Variants in GNPAT observed in about 807,000 individuals in gnomAD.
GNPAT encodes dihydroxyacetone phosphate acyltransferase.
Under a neutral mutation model 78.4 loss-of-function variants are expected in GNPAT, and 30 were observed. The observed-to-expected ratio is 0.38, with a 90% CI of 0.29 to 0.52. The LOEUF (loss-of-function observed/expected upper bound fraction) is 0.52, where lower values mean the gene tolerates loss of function less well. GNPAT is among the 20% of genes least tolerant of loss of function. GNPAT has a pLI of 0.84. For synonymous variants in GNPAT, 271 were observed against 281.1 expected, an observed-to-expected ratio of 0.96 and a Z score of 0.36; for missense variants, 714 against 812.2, an observed-to-expected ratio of 0.88 and a Z score of 1.47.
chr1:231,271,522 C>T (rs1685565048), intron 10 of GNPAT, among the ~76,000 whole-genome samples: 1 of 152,130 alleles, frequency 6.6e-6, no homozygotes, highest in African/African-American at 2.4e-5. Context: ...GGGAGTGAGC[C>T]CCACCCCAAA....
Position 231,256,078 on chromosome 1 carries a change from GT to G in GNPAT, c.262-4425del, listed in dbSNP as rs1685048850. ...TTTTATTCTACCCAGTCACTGGGCA[GT>G]TTTATTAATTGCCAGAATTTTAAGT... On this transcript the variant is annotated intron_variant, in intron 2 of 15. Coordinates refer to ENST00000366647, the MANE Select transcript of GNPAT (RefSeq NM_014236.4). 3.3e-5 allele frequency among the ~76,000 whole-genome samples: 5 copies of G among 152,218 alleles called. No homozygotes were observed. The South Asian group carries it at 1.0e-3, about 32-fold the overall frequency.
Position 231,254,897 on chromosome 1 carries a change from AC to A in GNPAT, c.261+3757del, listed in dbSNP as rs1685005575. On this transcript the variant is annotated intron_variant, in intron 2 of 15. Transcript: ENST00000366647. Reference sequence around the variant, plus strand: ...GTCCCAAGTAGCTGGGATTACAGGCACCCACCACTGCGCCTGGCTAATTTTT... The same window carrying A: ...GTCCCAAGTAGCTGGGATTACAGGCACCACCACTGCGCCTGGCTAATTTTT... Among the ~76,000 whole-genome samples the A allele has an allele frequency of 3.3e-5, 5 of 151,768 alleles. No homozygotes were observed. The South Asian group carries it at 1.0e-3, about 32-fold the overall frequency.
At chr1:231,268,663 T>A (rs1172609767) in intron 9 of GNPAT, among the ~76,000 whole-genome samples, 1 of 148,180 alleles carries the variant, frequency 6.7e-6, no homozygotes, top group African/African-American at 2.5e-5. Flanking sequence ...ATCCCAGCAC[T>A]TTGGGAGGCT....
At chr1:231,268,905 C>CAAAAAAAA (rs34988391) in intron 9 of GNPAT, among the ~76,000 whole-genome samples, 1 of 135,842 alleles carries the variant, frequency 7.4e-6, no homozygotes, top group Non-Finnish European at 1.6e-5. Context: ...GATTCCGTCT[C>CAAAAAAAA]AAAAAAAAAA....
chr1:231,260,456 C>G, intron 2 of GNPAT, 51 bp from the exon 3 acceptor site: 3 of 1,310,708 alleles, frequency 2.3e-6, no homozygotes, highest in Non-Finnish European at 3.3e-6. Flanking sequence ...AGCTTTCTGA[C>G]TTTTCTGTTA....
intron 4 of GNPAT, among the ~76,000 whole-genome samples, chr1:231,264,775 C>T (rs993992714): frequency 2.6e-5 from 4 of 152,210 alleles, no homozygotes; most frequent in African/African-American, 9.6e-5. Context: ...CTGTCCAGAG[C>T]ATGAAGGGCA....
intron 3 of GNPAT, among the ~76,000 whole-genome samples, chr1:231,261,960 C>A (rs1685234427): frequency 6.6e-6 from 1 of 152,116 alleles, no homozygotes. Flanking sequence ...GAGAATGTTA[C>A]AGTGTTTGGG....
In GNPAT at chr1:231,262,996, T is replaced by C. The variant is rs186345261; in HGVS notation, c.568+144T>C. ...TCCTAGCACTGAATAACTTGAGTTA[T>C]GTCCTTTGTCCTGTGCTTTACTGTG... On this transcript the variant is annotated intron_variant, in intron 4 of 15. Coordinates refer to ENST00000366647, the MANE Select transcript of GNPAT (RefSeq NM_014236.4). 6.7e-4 allele frequency: 464 copies of C among 692,066 alleles called. 1 individual carries two copies. The African/African-American group carries it at 7.3e-3, about 11-fold the overall frequency. 42.9% of individuals were successfully genotyped at this position (692,066 alleles called of 1,614,324 possible). A position where few individuals can be genotyped will look rare whatever the true frequency, so the allele number is the denominator to read the frequency against.
chr1:231,261,049 C>T (rs1335982322), intron 3 of GNPAT, among the ~76,000 whole-genome samples: 1 of 152,184 alleles, frequency 6.6e-6, no homozygotes, highest in Admixed American at 6.5e-5. Context: ...TTCCTTTATC[C>T]TTTTCCTAAT....
At chr1:231,261,717 A>G (rs1685229404) in intron 3 of GNPAT, among the ~76,000 whole-genome samples, 1 of 152,156 alleles carries the variant, frequency 6.6e-6, no homozygotes, top group Non-Finnish European at 1.5e-5. Flanking sequence ...TATTATGTTA[A>G]TGATTGCCAA....
intron 11 of GNPAT, among the ~76,000 whole-genome samples, chr1:231,272,948 C>T (rs1181701081): frequency 1.3e-5 from 2 of 152,246 alleles, no homozygotes; most frequent in South Asian, 4.1e-4. Flanking sequence ...GCACTCCAGC[C>T]TGGTGACAAG....
At chr1:231,274,836 C>T (rs1200818382) in intron 12 of GNPAT, 1 of 274,778 alleles carries the variant, frequency 3.6e-6, no homozygotes, top group Non-Finnish European at 7.0e-6. Flanking sequence ...CAGTAGAAAT[C>T]ATCAAGTATT....
intron 4 of GNPAT, among the ~76,000 whole-genome samples, chr1:231,265,081 A>G (rs1169577860): frequency 2.6e-5 from 4 of 152,224 alleles, no homozygotes; most frequent in Admixed American, 2.0e-4. Context: ...GGCCAGGCAC[A>G]GTGGCTTATG....
At chr1:231,267,978 A>G (rs1685438635) in intron 9 of GNPAT, 75 bp downstream of exon 9, 27 of 932,874 alleles carry the variant, frequency 2.9e-5, no homozygotes, top group Non-Finnish European at 3.7e-5. Flanking sequence ...TGAAAAATCT[A>G]TAGAGGACTT....
intron 9 of GNPAT, among the ~76,000 whole-genome samples, chr1:231,269,400 C>T (rs1344054639): frequency 6.6e-6 from 1 of 152,164 alleles, no homozygotes; most frequent in African/African-American, 2.4e-5. Context: ...ACCTCCCCGC[C>T]TCCTCCCCAC....
In GNPAT at chr1:231,275,313, C is replaced by T. The variant is rs749430548; in HGVS notation, c.1836C>T (p.Leu612=). 7.5e-6 allele frequency: 12 copies of T among 1,608,036 alleles called. No homozygotes were observed. The highest frequency in any genetic ancestry group is 1.6e-4 in the Middle Eastern group (1 of 6,072). The part of the protein sequence containing the change: ...AAVRKFTSQL[L]DQGTSQCYDV... The stretch of plus-strand genomic sequence containing the variant: ...TCAGAAAATTCACAAGTCAGCTTCT[C>T]GATCAAGGTCAGTCACTGCTCTGTG... Residue 612 remains leucine, a synonymous_variant, in exon 13 of 16, where the codon CTC becomes CTT. Transcript: ENST00000366647.
chr1:231,266,850 T>C (rs551628798), intron 8 of GNPAT, among the ~76,000 whole-genome samples: 3 of 152,324 alleles, frequency 2.0e-5, no homozygotes, highest in Admixed American at 1.3e-4. Flanking sequence ...CAAGAAAATA[T>C]ATTAGGTTCT....
chr1:231,260,782 C>A, intron 3 of GNPAT, 99 bp downstream of exon 3: 1 of 833,580 alleles, frequency 1.2e-6, no homozygotes, highest in Non-Finnish European at 1.9e-6. Context: ...ACAATTTAAT[C>A]AACTCAAGGA....
chr1:231,262,649 C>G (rs1177351671), intron 3 of GNPAT, 74 bp from the exon 4 acceptor site: 1 of 1,181,828 alleles, frequency 8.5e-7, no homozygotes, highest in African/African-American at 1.5e-5. Context: ...ACTTATTCTT[C>G]CGTTTTCTGA....
Sources: gnomAD v4.1 joint callset for allele counts (sites outside exome capture counted in the v4.1 genomes callset) on GRCh38, gnomAD v4.1.1 for gene constraint, MANE v1.5 for transcripts, NCBI Gene and HGNC (gene_info 2026-07-23, HGNC 2026-07-21) for gene names.